GREB1L: variants seen among roughly 807,000 people sequenced by gnomAD.
GREB1L encodes the protein GREB1 like retinoic acid receptor coactivator, also known as GREB1-like protein.
GREB1L carries 17 observed loss-of-function variants against 200.8 expected under a neutral mutation model. That is an observed-to-expected ratio of 0.08 (90% CI 0.06 to 0.13). The LOEUF is 0.13. GREB1L is among the 10% of genes least tolerant of loss of function. The pLI is 1.00. For synonymous variants in GREB1L, 789 were observed against 893.0 expected, an observed-to-expected ratio of 0.88 and a Z score of 2.08; for missense variants, 1,657 against 2,367.7, an observed-to-expected ratio of 0.70 and a Z score of 6.23.
chr18:21,401,931 A>G (rs993660381), intron 6 of GREB1L: 8 of 148,060 alleles, frequency 5.4e-5, no homozygotes, highest in Non-Finnish European at 8.9e-5. Context: ...TTATTATTCT[A>G]TTGATCAGTT....
chr18:21,456,285 A>G (rs1363027416), intron 15 of GREB1L, among the ~76,000 whole-genome samples: 1 of 152,174 alleles, frequency 6.6e-6, no homozygotes, highest in East Asian at 1.9e-4. Flanking sequence ...TCAGTGAGAA[A>G]TCTTGCTTGA....
intron 7 of GREB1L, among the ~76,000 whole-genome samples, chr18:21,423,140 G>A (rs1198200798): frequency 6.6e-6 from 1 of 151,956 alleles, no homozygotes. Context: ...CATGTTGGCC[G>A]GGCTCATCTC....
intron 1 of GREB1L, among the ~76,000 whole-genome samples, chr18:21,261,986 T>G (rs536077086): frequency 6.6e-4 from 101 of 152,292 alleles, no homozygotes; most frequent in African/African-American, 2.4e-3. Flanking sequence ...TTCCATGATT[T>G]AAGTATGACA....
At chr18:21,431,919 C>CTTTTTTTTTTTT (rs773523492) in intron 7 of GREB1L, among the ~76,000 whole-genome samples, 5 of 91,278 alleles carry the variant, frequency 5.5e-5, no homozygotes, top group African/African-American at 1.1e-4. Context: ...CTTTTCTTTT[C>CTTTTTTTTTTTT]TTTTTTTTTT....
chr18:21,431,767 A>T lies in GREB1L; in HGVS notation c.833-7754A>T, dbSNP rs187026919. Reference sequence around the variant, plus strand: ...GCTGTTTCTCCCTTCAGTTATGTTCATCTTTGCTTCATTTATTTGGGGCTC... The same window carrying T: ...GCTGTTTCTCCCTTCAGTTATGTTCTTCTTTGCTTCATTTATTTGGGGCTC... On this transcript the variant is annotated intron_variant, in intron 7 of 32. Transcript: ENST00000424526. Among the ~76,000 whole-genome samples, 6 of 152,018 alleles carry T rather than the reference A, an allele frequency of 3.9e-5. No individual in the cohort carries two copies. The East Asian group carries it at 1.2e-3, about 29-fold the overall frequency.
At chr18:21,465,190 C>T (rs1016549134) in intron 15 of GREB1L, among the ~76,000 whole-genome samples, 17 of 152,128 alleles carry the variant, frequency 1.1e-4, no homozygotes, top group African/African-American at 3.9e-4. Flanking sequence ...GTTGTACAAT[C>T]AATTCCCTGA....
intron 1 of GREB1L, among the ~76,000 whole-genome samples, chr18:21,327,460 A>G (rs1291745595): frequency 6.6e-6 from 1 of 151,918 alleles, no homozygotes; most frequent in Non-Finnish European, 1.5e-5. Context: ...CTCATCTCTC[A>G]TCTAGACCAT....
At chr18:21,503,829 CG>C (rs1437219106) in intron 23 of GREB1L, among the ~76,000 whole-genome samples, 1 of 151,256 alleles carries the variant, frequency 6.6e-6, no homozygotes, top group Non-Finnish European at 1.5e-5. Flanking sequence ...CCACCCACCT[CG>C]GCCTCCTAAA....
At chr18:21,489,486 GT>G (rs1428169859) in intron 18 of GREB1L, among the ~76,000 whole-genome samples, 1 of 152,126 alleles carries the variant, frequency 6.6e-6, no homozygotes, top group Non-Finnish European at 1.5e-5. Flanking sequence ...TTCCTGTATT[GT>G]AATCTTATAT....
At chr18:21,494,610 CTCTG>C (rs898905193) in intron 19 of GREB1L, among the ~76,000 whole-genome samples, 1 of 151,666 alleles carries the variant, frequency 6.6e-6, no homozygotes, top group Non-Finnish European at 1.5e-5. Context: ...CAGAGCAAGA[CTCTG>C]TCTAAAAAAA....
chr18:21,363,196 A>T (rs2039603341), intron 1 of GREB1L, among the ~76,000 whole-genome samples: 1 of 151,976 alleles, frequency 6.6e-6, no homozygotes, highest in Non-Finnish European at 1.5e-5. Flanking sequence ...GATTTCCTGA[A>T]ACACTTGTGA....
intron 11 of GREB1L, among the ~76,000 whole-genome samples, chr18:21,446,118 A>G (rs1477203461): frequency 6.6e-6 from 1 of 152,126 alleles, no homozygotes; most frequent in Non-Finnish European, 1.5e-5. Context: ...ACCACCTCCC[A>G]TGTTCAAGCA....
chr18:21,411,162 A>G (rs1318985107), intron 7 of GREB1L, among the ~76,000 whole-genome samples: 1 of 152,168 alleles, frequency 6.6e-6, no homozygotes, highest in Non-Finnish European at 1.5e-5. Context: ...TCAGATCCCA[A>G]ATTGGCAGTG....
intron 17 of GREB1L, among the ~76,000 whole-genome samples, chr18:21,480,674 G>A (rs2035880738): frequency 6.6e-6 from 1 of 152,164 alleles, no homozygotes; most frequent in Non-Finnish European, 1.5e-5. Flanking sequence ...CAAAAAATAT[G>A]ATTGAGCACA....
chr18:21,329,747 A>G (rs1314099786), intron 1 of GREB1L, among the ~76,000 whole-genome samples: 5 of 151,936 alleles, frequency 3.3e-5, no homozygotes, highest in Non-Finnish European at 7.4e-5. Context: ...CCCCAAAACA[A>G]CCCTCACAAT....
intron 1 of GREB1L, among the ~76,000 whole-genome samples, chr18:21,345,808 G>T (rs2039336010): frequency 6.6e-6 from 1 of 150,642 alleles, no homozygotes; most frequent in Non-Finnish European, 1.5e-5. Flanking sequence ...GGAGCTGGAG[G>T]TTGCAGTGAG....
intron 1 of GREB1L, among the ~76,000 whole-genome samples, chr18:21,358,581 C>G (rs2039539128): frequency 6.6e-6 from 1 of 152,158 alleles, no homozygotes; most frequent in Non-Finnish European, 1.5e-5. Flanking sequence ...TCCCAAAGTG[C>G]TGGGATTACA....
At chr18:21,247,934 AC>A (rs1254810195) in intron 1 of GREB1L, among the ~76,000 whole-genome samples, 1 of 152,196 alleles carries the variant, frequency 6.6e-6, no homozygotes, top group African/African-American at 2.4e-5. Flanking sequence ...CATTTTAACA[AC>A]CCTTCTGATA....
At chr18:21,268,522 T>TATACACAC (rs1555623509) in intron 1 of GREB1L, among the ~76,000 whole-genome samples, 2 of 65,166 alleles carry the variant, frequency 3.1e-5, no homozygotes, top group Non-Finnish European at 6.1e-5. Context: ...TATATATATA[T>TATACACAC]ACACACACAC....
Sources: gnomAD v4.1 joint callset for allele counts (sites outside exome capture counted in the v4.1 genomes callset) on GRCh38, gnomAD v4.1.1 for gene constraint, MANE v1.5 for transcripts, NCBI Gene and HGNC (gene_info 2026-07-23, HGNC 2026-07-21) for gene names.